KCND2: variants seen among roughly 807,000 people sequenced by gnomAD.
KCND2 encodes A-type voltage-gated potassium channel KCND2.
Under a neutral mutation model 54.4 loss-of-function variants are expected in KCND2, and 16 were observed. That is an observed-to-expected ratio of 0.29 (90% confidence interval 0.20 to 0.45). The LOEUF is 0.45. KCND2 is among the 20% of genes least tolerant of loss of function. The pLI is 1.00. For synonymous variants in KCND2, 317 were observed against 310.7 expected (o/e 1.02, Z -0.21); for missense variants, 486 against 824.2 (o/e 0.59, Z 5.02).
intron 1 of KCND2, among the ~76,000 whole-genome samples, chr7:120,461,206 A>G (rs950760415): frequency 2.0e-5 from 3 of 152,124 alleles, no homozygotes; most frequent in East Asian, 1.9e-4. Context: ...AGCTCCTACA[A>G]TGATTTGTAC....
intron 1 of KCND2, among the ~76,000 whole-genome samples, chr7:120,517,951 A>G (rs952342785): frequency 2.6e-5 from 4 of 152,102 alleles, no homozygotes; most frequent in African/African-American, 9.7e-5. Flanking sequence ...TCTTCTCTGC[A>G]TTCCCTACAG....
intron 1 of KCND2, among the ~76,000 whole-genome samples, chr7:120,512,801 C>CTT (rs796237031): frequency 5.8e-5 from 8 of 137,418 alleles, no homozygotes; most frequent in Non-Finnish European, 7.9e-5. Flanking sequence ...TTTCTTTTTT[C>CTT]TTTTTTTTTT....
intron 1 of KCND2, among the ~76,000 whole-genome samples, chr7:120,526,890 A>G (rs577613273): frequency 7.9e-5 from 12 of 152,132 alleles, no homozygotes; most frequent in Non-Finnish European, 1.6e-4. Flanking sequence ...CTAAATAACT[A>G]TCTGGAATCC....
At chr7:120,508,173 A>G (rs532163176) in intron 1 of KCND2, among the ~76,000 whole-genome samples, 4 of 151,938 alleles carry the variant, frequency 2.6e-5, no homozygotes, top group Non-Finnish European at 5.9e-5. Context: ...CTTCTTTTTA[A>G]ATTTGTTACT....
chr7:120,296,549 T>C (rs757906235), intron 1 of KCND2, among the ~76,000 whole-genome samples: 2 of 152,154 alleles, frequency 1.3e-5, no homozygotes, highest in Non-Finnish European at 2.9e-5. Context: ...ATGGGAATGG[T>C]AATTGTTTAC....
intron 1 of KCND2, among the ~76,000 whole-genome samples, chr7:120,607,075 AT>A (rs1398680094): frequency 4.6e-5 from 7 of 152,174 alleles, no homozygotes; most frequent in African/African-American, 1.7e-4. Context: ...GTTGGCTTAC[AT>A]CATGGTTACA....
intron 1 of KCND2, among the ~76,000 whole-genome samples, chr7:120,490,741 C>T (rs1802767370): frequency 6.6e-6 from 1 of 152,040 alleles, no homozygotes; most frequent in Non-Finnish European, 1.5e-5. Flanking sequence ...TGCTAATGTC[C>T]ACAAAGGGAT....
At chr7:120,703,069 A>G (rs1028815170) in intron 1 of KCND2, among the ~76,000 whole-genome samples, 1 of 152,178 alleles carries the variant, frequency 6.6e-6, no homozygotes, top group Non-Finnish European at 1.5e-5. Flanking sequence ...GGAAGGTGTA[A>G]TCTTGATGTC....
At chr7:120,546,537 A>G (rs541080211) in intron 1 of KCND2, among the ~76,000 whole-genome samples, 1 of 152,118 alleles carries the variant, frequency 6.6e-6, no homozygotes, top group African/African-American at 2.4e-5. Context: ...TCAAAAGACT[A>G]CTAAATCTTA....
intron 1 of KCND2, among the ~76,000 whole-genome samples, chr7:120,731,687 G>T (rs1221611690): frequency 1.3e-5 from 2 of 152,210 alleles, no homozygotes; most frequent in Non-Finnish European, 2.9e-5. Flanking sequence ...AATGTAGAAA[G>T]GAGAGTCAGG....
At chr7:120,736,453 A>G (rs886507076) in intron 2 of KCND2, among the ~76,000 whole-genome samples, 2 of 152,020 alleles carry the variant, frequency 1.3e-5, no homozygotes, top group African/African-American at 4.8e-5. Flanking sequence ...TAGTTATACT[A>G]TAAGTATTTA....
chr7:120,598,427 T>G lies in KCND2; in HGVS notation c.1116-134476T>G, dbSNP rs117484132. Among the ~76,000 whole-genome samples, 17 of 152,260 alleles carry G rather than the reference T, an allele frequency of 1.1e-4. No homozygotes were observed. The East Asian group carries it at 3.3e-3, about 29-fold the overall frequency. Reference sequence around the variant, plus strand: ...TTCTTTATATAGGATTGCTAGATCATTTGATAATGGTATATTTCATTTAAT... The same window carrying G: ...TTCTTTATATAGGATTGCTAGATCAGTTGATAATGGTATATTTCATTTAAT... On this transcript the variant is annotated intron_variant, in intron 1 of 5. Coordinates refer to ENST00000331113, the MANE Select transcript of KCND2 (RefSeq NM_012281.3).
chr7:120,563,633 A>G (rs1792262688), intron 1 of KCND2, among the ~76,000 whole-genome samples: 1 of 152,162 alleles, frequency 6.6e-6, no homozygotes, highest in African/African-American at 2.4e-5. Context: ...TAAAAAGCTT[A>G]ATGATCTGAC....
intron 1 of KCND2, among the ~76,000 whole-genome samples, chr7:120,647,829 G>A (rs952648980): frequency 6.6e-6 from 1 of 152,110 alleles, no homozygotes; most frequent in Non-Finnish European, 1.5e-5. Flanking sequence ...ACTCTAAAAT[G>A]TTAATACATT....
intron 1 of KCND2, among the ~76,000 whole-genome samples, chr7:120,708,314 A>G (rs1792495683): frequency 6.6e-6 from 1 of 152,142 alleles, no homozygotes; most frequent in Non-Finnish European, 1.5e-5. Flanking sequence ...CTCATTAGAA[A>G]CTGATAGGTG....
At chr7:120,595,559 A>ATATG (rs1792732541) in intron 1 of KCND2, among the ~76,000 whole-genome samples, 1 of 133,516 alleles carries the variant, frequency 7.5e-6, no homozygotes, top group African/African-American at 2.7e-5. Context: ...GTGTGTGTAT[A>ATATG]TATATGTGTG....
At chr7:120,383,314 C>T (rs763471712) in intron 1 of KCND2, among the ~76,000 whole-genome samples, 8 of 151,988 alleles carry the variant, frequency 5.3e-5, no homozygotes, top group African/African-American at 7.2e-5. Flanking sequence ...CCTTTCTACC[C>T]GCATTTACTC....
rs542431661 is a variant in KCND2 at position 120,462,360 on chromosome 7, A to G, written c.1115+186613A>G. Among the ~76,000 whole-genome samples, 7 of 152,142 alleles carry G rather than the reference A, an allele frequency of 4.6e-5. No homozygotes were observed. In the South Asian group the frequency reaches 1.2e-3, roughly 27 times the overall value. On this transcript the variant is annotated intron_variant, in intron 1 of 5. Transcript: ENST00000331113. ...AGTATCATCCTTTTTTAAAAGAAGC[A>G]TGTTCAACATAAATGCTTGCCACTC...
intron 1 of KCND2, among the ~76,000 whole-genome samples, chr7:120,332,812 A>T (rs919715693): frequency 6.6e-6 from 1 of 152,102 alleles, no homozygotes; most frequent in Non-Finnish European, 1.5e-5. Context: ...ACTTTTGCTT[A>T]TACAGCCCAG....
Sources: allele counts gnomAD v4.1 joint callset (sites outside exome capture counted in the v4.1 genomes callset), GRCh38; gene constraint gnomAD v4.1.1; transcripts MANE v1.5; gene names NCBI Gene and HGNC (gene_info 2026-07-23, HGNC 2026-07-21).